The following SV2B variants were observed in gnomAD, a reference collection of about 807,000 sequenced individuals.
SV2B encodes solute carrier family 22 member B2.
SV2B carries 41 observed loss-of-function variants against 73.9 expected under a neutral mutation model. The observed-to-expected ratio is 0.56, with a 90% confidence interval of 0.43 to 0.72. The LOEUF is 0.72. Among genes scored for constraint, SV2B ranks in the 30% least tolerant of loss-of-function variants. SV2B has a pLI of 0.00. For missense variants in SV2B, 764 were observed against 857.8 expected, an observed-to-expected ratio of 0.89 and a Z score of 1.37; for synonymous variants, 314 against 314.2, an observed-to-expected ratio of 1.00 and a Z score of 0.01.
At position 91,241,006 on chromosome 15, in the gene SV2B, T is replaced by C. The variant is rs1157362173; in HGVS notation, c.452-10813T>C. On this transcript the variant is annotated intron_variant, in intron 2 of 12. Transcript: ENST00000394232. The surrounding 1 kb of genome is among the most constrained non-coding windows in gnomAD (Gnocchi z 4.8). ...GAGAGCATCACTTACTACACATTCT[T>C]GTTGCAGTCATCCACTGACTGGGCC... Among the ~76,000 whole-genome samples, 1 of 152,200 alleles carries C rather than the reference T, an allele frequency of 6.6e-6. No individual in the cohort carries two copies. Among genetic ancestry groups the C allele is most frequent in the Non-Finnish European group, 1.5e-5 (1 of 68,022 alleles).
At chr15:91,188,364 A>G (rs922840505) in intron 1 of SV2B, among the ~76,000 whole-genome samples, 8 of 151,840 alleles carry the variant, frequency 5.3e-5, no homozygotes, top group Non-Finnish European at 1.2e-4. Flanking sequence ...CCCAGGCTGG[A>G]GTGCAGTGGC....
At chr15:91,134,003 C>CTTTTTTTTTTT (rs1567278795) in intron 1 of SV2B, among the ~76,000 whole-genome samples, 2 of 49,328 alleles carry the variant, frequency 4.1e-5, no homozygotes, top group Admixed American at 1.6e-4. Flanking sequence ...TTTCTTTCTT[C>CTTTTTTTTTTT]CTTTTTTTTT....
chr15:91,197,540 G>A lies in SV2B; in HGVS notation c.-391-28333G>A, dbSNP rs1248822853. On this transcript the variant is annotated intron_variant, in intron 1 of 12. Coordinates refer to ENST00000394232, the MANE Select transcript of SV2B (RefSeq NM_001323032.3). This position sits in a 1 kb window ranked among gnomAD's most constrained non-coding sequence, Gnocchi z 4.9. The stretch of plus-strand genomic sequence containing the variant: ...CGCCCAGCCATCATTGTTTTTAATA[G>A]AAGAAAAAAAAAACCAAACCAAACC... 2.1e-5 allele frequency among the ~76,000 whole-genome samples: 3 copies of A among 145,350 alleles called. No homozygotes were observed. In the South Asian group the frequency reaches 6.6e-4, roughly 32 times the overall value.
chr15:91,237,534 G>A (rs1026022348), intron 2 of SV2B, among the ~76,000 whole-genome samples: 1 of 152,214 alleles, frequency 6.6e-6, no homozygotes, highest in African/African-American at 2.4e-5. Context: ...GAATAACTAA[G>A]CCAGAATGTC....
intron 4 of SV2B, among the ~76,000 whole-genome samples, chr15:91,254,836 A>T (rs1472116398): frequency 6.6e-6 from 1 of 152,230 alleles, no homozygotes; most frequent in Non-Finnish European, 1.5e-5. Flanking sequence ...TGGAAGCATT[A>T]GCAATACGAG....
intron 1 of SV2B, among the ~76,000 whole-genome samples, chr15:91,175,373 G>T (rs570347691): frequency 6.6e-6 from 1 of 152,120 alleles, no homozygotes; most frequent in South Asian, 2.1e-4. Flanking sequence ...TCCTGCCTCA[G>T]CCTCCCGAGT....
Position 91,186,868 on chromosome 15 carries a change from ATAAAT to A in SV2B, c.-391-39001_-391-38997del, listed in dbSNP as rs776852663. Among the ~76,000 whole-genome samples the A allele has an allele frequency of 5.3e-5, 8 of 152,146 alleles. No homozygotes were observed. The South Asian group carries it at 1.7e-3, about 32-fold the overall frequency. On this transcript the variant is annotated intron_variant, in intron 1 of 12. Transcript: ENST00000394232. Reference sequence around the variant, plus strand: ...GTACCCCTAAATGTATACAAATAAAATAAATTAATAAATTAAACAAGTAAGAGAAT... The same window carrying A: ...GTACCCCTAAATGTATACAAATAAAATAATAAATTAAACAAGTAAGAGAAT...
chr15:91,144,630 T>C (rs2043092647), intron 1 of SV2B, among the ~76,000 whole-genome samples: 3 of 152,210 alleles, frequency 2.0e-5, no homozygotes, highest in Admixed American at 6.5e-5. Context: ...CTTGCTGAGT[T>C]TGTGGCCAGC....
At chr15:91,279,335 T>C (rs577437549) in intron 9 of SV2B, among the ~76,000 whole-genome samples, 8 of 152,344 alleles carry the variant, frequency 5.3e-5, no homozygotes, top group South Asian at 2.1e-4. Flanking sequence ...GGACTAACCA[T>C]TGGGCCTGAA....
In SV2B at chr15:91,106,982, C is replaced by T. The variant is rs1425623271; in HGVS notation, c.-392+6619C>T. Among the ~76,000 whole-genome samples the T allele has an allele frequency of 2.6e-5, 4 of 152,188 alleles. No homozygotes were observed. The East Asian group carries it at 5.8e-4, about 22-fold the overall frequency. Reference sequence around the variant, plus strand: ...CTGTGGGTGCTGTCCATTTTCTTCTCGTGGTGTGTCTGATTCTATATAAGT... The same window carrying T: ...CTGTGGGTGCTGTCCATTTTCTTCTTGTGGTGTGTCTGATTCTATATAAGT... On this transcript the variant is annotated intron_variant, in intron 1 of 12. Coordinates refer to ENST00000394232, the MANE Select transcript of SV2B (RefSeq NM_001323032.3). This position sits in a 1 kb window ranked among gnomAD's most constrained non-coding sequence, Gnocchi z 4.4.
At position 91,269,575 on chromosome 15, in the gene SV2B, T is replaced by A. The variant is rs189739908; in HGVS notation, c.1373+970T>A. On this transcript the variant is annotated intron_variant, in intron 9 of 12. Transcript: ENST00000394232. Reference sequence around the variant, plus strand: ...ATCTCCCTCTGTCTGCACCCACATATGCGTCTGGTGTCTCAGTAAAGTCCC... The same window carrying A: ...ATCTCCCTCTGTCTGCACCCACATAAGCGTCTGGTGTCTCAGTAAAGTCCC... Among the ~76,000 whole-genome samples the A allele has an allele frequency of 2.6e-5, 4 of 152,330 alleles. No individual in the cohort carries two copies. The East Asian group carries it at 7.7e-4, about 29-fold the overall frequency.
chr15:91,167,914 G>A (rs1190506076), intron 1 of SV2B, among the ~76,000 whole-genome samples: 1 of 152,076 alleles, frequency 6.6e-6, no homozygotes, highest in Non-Finnish European at 1.5e-5. Flanking sequence ...GATGACAAGG[G>A]CTGACCTACC....
chr15:91,237,337 C>T (rs1306611246), intron 2 of SV2B, among the ~76,000 whole-genome samples: 1 of 152,206 alleles, frequency 6.6e-6, no homozygotes, highest in Non-Finnish European at 1.5e-5. Flanking sequence ...CCTCCACTCA[C>T]TAGATGCCTG....
chr15:91,268,279 T>A lies in SV2B; in HGVS notation c.1209-162T>A, dbSNP rs537846302. 6.6e-6 allele frequency among the ~76,000 whole-genome samples: 1 copy of A among 152,376 alleles called. No individual in the cohort carries two copies. The highest frequency in any genetic ancestry group is 1.9e-4 in the East Asian group (1 of 5,196). ...ATGGAGGTGGTCATAGTTTTCCCCTTGTATTTATTAATATGAGGATTTATA... is the reference window on the plus strand; with the variant it reads ...ATGGAGGTGGTCATAGTTTTCCCCTAGTATTTATTAATATGAGGATTTATA... On this transcript the variant is annotated intron_variant, in intron 8 of 12. Transcript: ENST00000394232. This position sits in a 1 kb window ranked among gnomAD's most constrained non-coding sequence, Gnocchi z 4.4.
rs1057082214 is a variant in SV2B, at chr15:91,110,061, C to A, written c.-392+9698C>A. Among the ~76,000 whole-genome samples the A allele has an allele frequency of 1.3e-5, 2 of 152,126 alleles. No individual in the cohort carries two copies. The highest frequency in any genetic ancestry group is 6.5e-5 in the Admixed American group (1 of 15,270). On this transcript the variant is annotated intron_variant, in intron 1 of 12. Coordinates refer to ENST00000394232, the MANE Select transcript of SV2B (RefSeq NM_001323032.3). The surrounding 1 kb of genome is among the most constrained non-coding windows in gnomAD (Gnocchi z 5.4). ...TATTTGGGTGGATAAAAGAGCTGTC[C>A]GTCATTACTCACATTACAAATCACG... is the stretch of plus-strand genomic sequence containing the variant.
chr15:91,185,640 ATT>A (rs1402270417), intron 1 of SV2B, among the ~76,000 whole-genome samples: 1 of 152,188 alleles, frequency 6.6e-6, no homozygotes, highest in Non-Finnish European at 1.5e-5. Context: ...AGTACTGGAC[ATT>A]TTTAAAGGTC....
At chr15:91,201,266 C>T (rs2045451121) in intron 1 of SV2B, among the ~76,000 whole-genome samples, 1 of 152,132 alleles carries the variant, frequency 6.6e-6, no homozygotes, top group Admixed American at 6.5e-5. Flanking sequence ...CCGTTGGGAA[C>T]CTCATTGGAA....
chr15:91,188,283 TTTTATTTATTTATTTA>T lies in SV2B; in HGVS notation c.-391-37558_-391-37543del, dbSNP rs200076814. Among the ~76,000 whole-genome samples, 450 of 144,148 alleles carry T rather than the reference TTTTATTTATTTATTTA, an allele frequency of 3.1e-3. 3 individuals are homozygous for T. Among genetic ancestry groups the T allele is most frequent in the South Asian group, 8.8e-3 (39 of 4,418 alleles). The allele number at this position is 144,148 out of a possible 152,430, so 94.6% of individuals were successfully genotyped here. A position where few individuals can be genotyped will look rare whatever the true frequency, so the allele number is the denominator to read the frequency against. ...TGGAAGACAAAAGAATGTTCCTTAT[TTTTATTTATTTATTTA>T]TTTATTTATTTATTTATTTATTTAT... is the stretch of plus-strand genomic sequence containing the variant. On this transcript the variant is annotated intron_variant, in intron 1 of 12. Transcript: ENST00000394232.
chr15:91,235,501 C>T (rs868342962), intron 2 of SV2B, among the ~76,000 whole-genome samples: 1 of 152,112 alleles, frequency 6.6e-6, no homozygotes, highest in African/African-American at 2.4e-5. Flanking sequence ...AAAAAGCAAG[C>T]TCCGTACTCT....
Sources: allele counts gnomAD v4.1 joint callset (sites outside exome capture counted in the v4.1 genomes callset), GRCh38; gene constraint gnomAD v4.1.1; non-coding constraint Gnocchi (gnomAD v3.1); transcripts MANE v1.5; gene names NCBI Gene and HGNC (gene_info 2026-07-23, HGNC 2026-07-21).